EEF1AKMT3: variants seen among roughly 807,000 people sequenced by gnomAD.
EEF1AKMT3 encodes eEF1A-KMT3.
A neutral mutation model predicts 17.8 loss-of-function variants in EEF1AKMT3; 17 were observed. The observed-to-expected ratio is 0.96, with a 90% confidence interval of 0.65 to 1.43. The LOEUF is 1.43. Ranked by LOEUF, EEF1AKMT3 falls within the 40% of genes most tolerant of loss-of-function variation. The pLI is 0.00. For synonymous variants in EEF1AKMT3, 116 were observed against 126.5 expected (o/e 0.92, Z 0.56); for missense variants, 244 against 285.8 (o/e 0.85, Z 1.06).
chr12:57,774,663 T>C (rs756301694), intron 2 of EEF1AKMT3: 2 of 1,590,854 alleles, frequency 1.3e-6, no homozygotes, highest in African/African-American at 1.3e-5. Context: ...CAGAGGACGA[T>C]GTCATAGAAC....
In EEF1AKMT3 at chr12:57,781,847, C is replaced by T. The variant is rs1260643094; in HGVS notation, c.*1201C>T. 6.6e-6 allele frequency: 1 copy of T among 152,210 alleles called. No homozygotes were observed. The highest frequency in any genetic ancestry group is 2.4e-5 in the African/African-American group (1 of 41,432). 9.4% of individuals were successfully genotyped at this position (152,210 alleles called of 1,614,324 possible). ...TGGACTCCCTGCTTCCATGCTTTCT[C>T]CTTCAGTCCATTCCGCAAACTCTTG... On this transcript the variant is annotated 3_prime_UTR_variant, in exon 3 of 3. Coordinates refer to ENST00000300209, the MANE Select transcript of EEF1AKMT3 (RefSeq NM_015433.3).
At chr12:57,774,747 C>T (rs1225565418) in intron 2 of EEF1AKMT3, 1 of 1,610,950 alleles carries the variant, frequency 6.2e-7, no homozygotes, top group Non-Finnish European at 8.5e-7. Context: ...CCTGGGAATC[C>T]ATCAAGGGAA....
chr12:57,774,847 T>A, intron 2 of EEF1AKMT3: 2 of 1,376,500 alleles, frequency 1.5e-6, no homozygotes, highest in Non-Finnish European at 2.0e-6. Context: ...GGCTCATGCC[T>A]ATAATCCCGG....
intron 2 of EEF1AKMT3, among the ~76,000 whole-genome samples, chr12:57,775,056 G>T (rs994784089): frequency 8.0e-6 from 1 of 125,116 alleles, no homozygotes; most frequent in Non-Finnish European, 1.6e-5. Flanking sequence ...AGTGAGCCAA[G>T]ATTGCACCGT....
intron 2 of EEF1AKMT3, among the ~76,000 whole-genome samples, chr12:57,776,695 G>A (rs1305436093): frequency 6.6e-6 from 1 of 151,960 alleles, no homozygotes; most frequent in Non-Finnish European, 1.5e-5. Context: ...CTGTTGCCCA[G>A]GCTGGACTGC....
At chr12:57,776,855 T>C (rs1955483409) in intron 2 of EEF1AKMT3, among the ~76,000 whole-genome samples, 1 of 152,148 alleles carries the variant, frequency 6.6e-6, no homozygotes, top group East Asian at 1.9e-4. Flanking sequence ...TTCACCATGT[T>C]GGCCAGGCTG....
Position 57,780,724 on chromosome 12 carries a change from A to G in EEF1AKMT3, c.*78A>G. 6.4e-7 allele frequency: 1 copy of G among 1,558,000 alleles called. No homozygotes were observed. Among genetic ancestry groups the G allele is most frequent in the Non-Finnish European group, 8.6e-7 (1 of 1,158,454 alleles). ...TCTCAAAAACCATATTTCCAGAGCC[A>G]CAAACATGAGGACCAAAAAGGATGG... On this transcript the variant is annotated 3_prime_UTR_variant, in exon 3 of 3. Transcript: ENST00000300209.
chr12:57,775,927 T>C (rs1955477811), intron 2 of EEF1AKMT3, among the ~76,000 whole-genome samples: 1 of 152,200 alleles, frequency 6.6e-6, no homozygotes, highest in Non-Finnish European at 1.5e-5. Context: ...TTAAATCTTC[T>C]CATGTTTTTC....
At chr12:57,778,785 AG>A (rs1955495570) in intron 2 of EEF1AKMT3, among the ~76,000 whole-genome samples, 1 of 152,124 alleles carries the variant, frequency 6.6e-6, no homozygotes, top group African/African-American at 2.4e-5. Context: ...CTGGTCTCCT[AG>A]CTTCTGACCT....
chr12:57,774,855 C>A (rs547853586), intron 2 of EEF1AKMT3: 2 of 1,321,390 alleles, frequency 1.5e-6, no homozygotes, highest in African/African-American at 2.9e-5. Flanking sequence ...CCTATAATCC[C>A]GGCACTTTGG....
intron 2 of EEF1AKMT3, chr12:57,774,669 A>G (rs757431533): frequency 1.2e-6 from 2 of 1,603,934 alleles, no homozygotes; most frequent in South Asian, 1.1e-5. Flanking sequence ...ACGATGTCAT[A>G]GAACAAGAAC....
intron 2 of EEF1AKMT3, 98 bp downstream of exon 2, chr12:57,773,226 C>A: frequency 9.5e-7 from 1 of 1,056,420 alleles, no homozygotes; most frequent in Non-Finnish European, 1.4e-6. Context: ...GAACTTTGGG[C>A]CCAGTCTAAC....
intron 2 of EEF1AKMT3, 21 bp downstream of exon 2, chr12:57,773,149 C>T (rs372766348): frequency 1.6e-5 from 26 of 1,611,614 alleles, no homozygotes; most frequent in Non-Finnish European, 2.1e-5. Context: ...TGGCTTTTTA[C>T]GGGAGAGAGT....
chr12:57,773,253 A>C, intron 2 of EEF1AKMT3, 125 bp downstream of exon 2: 1 of 865,034 alleles, frequency 1.2e-6, no homozygotes, highest in Non-Finnish European at 1.8e-6. Context: ...TTTTTAACAA[A>C]TTTTTTTTTA....
chr12:57,782,453 C>T lies in EEF1AKMT3; in HGVS notation c.*1807C>T, dbSNP rs1955522936. 1.1e-5 allele frequency: 3 copies of T among 272,804 alleles called. No homozygotes were observed. Among genetic ancestry groups the T allele is most frequent in the Non-Finnish European group, 1.4e-5 (2 of 142,314 alleles). The allele number at this position is 272,804 out of a possible 1,614,324, so 16.9% of individuals were successfully genotyped here. A position where few individuals can be genotyped will look rare whatever the true frequency, so the allele number is the denominator to read the frequency against. On this transcript the variant is annotated 3_prime_UTR_variant, in exon 3 of 3. Coordinates refer to ENST00000300209, the MANE Select transcript of EEF1AKMT3 (RefSeq NM_015433.3). Reference sequence around the variant, plus strand: ...GTGACCTTGGACAAATTCTCGAACCCATTCACCAACCACACAAGTTTGTTG... The same window carrying T: ...GTGACCTTGGACAAATTCTCGAACCTATTCACCAACCACACAAGTTTGTTG...
At position 57,772,918 on chromosome 12, in the gene EEF1AKMT3, G is replaced by C. The variant is rs763341929; in HGVS notation, c.177+17G>C. The C allele has an allele frequency of 6.2e-7, 1 of 1,613,532 alleles. No homozygotes were observed. Among genetic ancestry groups the C allele is most frequent in the Admixed American group, 1.7e-5 (1 of 59,994 alleles). On this transcript the variant is annotated intron_variant, in intron 1 of 2. Coordinates refer to ENST00000300209, the MANE Select transcript of EEF1AKMT3 (RefSeq NM_015433.3). The surrounding 1 kb of genome is among the most constrained non-coding windows in gnomAD (Gnocchi z 4.1). Reference sequence around the variant, plus strand: ...TGGGACGCGGTGAGGAATGGGCTGCGCCGGGTGAGGGTCCGTGGGAGGTCC... The same window carrying C: ...TGGGACGCGGTGAGGAATGGGCTGCCCCGGGTGAGGGTCCGTGGGAGGTCC...
In EEF1AKMT3 at chr12:57,780,914, G is replaced by C; in HGVS notation, c.*268G>C. 1 of 526,322 alleles carries C rather than the reference G, an allele frequency of 1.9e-6. No homozygotes were observed. The highest frequency in any genetic ancestry group is 2.3e-5 in the South Asian group (1 of 43,536). The allele number at this position is 526,322 out of a possible 1,614,324, so 32.6% of individuals were successfully genotyped here. A position where few individuals can be genotyped will look rare whatever the true frequency, so the allele number is the denominator to read the frequency against. On this transcript the variant is annotated 3_prime_UTR_variant, in exon 3 of 3. Transcript: ENST00000300209. ...CTCCTGTTCTCAGAGAAGGAGGATGGTAAGGTATCCAGGATTTTTAGGGGG... is the reference window on the plus strand; with the variant it reads ...CTCCTGTTCTCAGAGAAGGAGGATGCTAAGGTATCCAGGATTTTTAGGGGG...
intron 2 of EEF1AKMT3, among the ~76,000 whole-genome samples, chr12:57,776,321 C>A (rs1328706646): frequency 1.3e-5 from 2 of 152,152 alleles, no homozygotes; most frequent in African/African-American, 4.8e-5. Flanking sequence ...AACTTTTTAC[C>A]ATCTGCTTAA....
chr12:57,778,286 T>A (rs1955492110), intron 2 of EEF1AKMT3, among the ~76,000 whole-genome samples: 1 of 136,606 alleles, frequency 7.3e-6, no homozygotes, highest in Non-Finnish European at 1.6e-5. Context: ...CCAGAAACCA[T>A]CCTGAGCTTT....
Sources: allele counts gnomAD v4.1 joint callset (sites outside exome capture counted in the v4.1 genomes callset), GRCh38; gene constraint gnomAD v4.1.1; non-coding constraint Gnocchi (gnomAD v3.1); transcripts MANE v1.5; gene names NCBI Gene and HGNC (gene_info 2026-07-23, HGNC 2026-07-21).